The following FAT1 variants were observed in gnomAD, a reference collection of about 807,000 sequenced individuals.
The protein encoded by FAT1 is FAT atypical cadherin 1, also known as protocadherin Fat 1.
In FAT1, 171 loss-of-function variants were observed where a neutral mutation model predicts 329.8. The observed-to-expected ratio is 0.52, with a 90% CI of 0.46 to 0.59. The LOEUF is 0.59. FAT1 is among the 20% of genes least tolerant of loss of function. The probability of loss-of-function intolerance (pLI) is 0.00; values close to 1 mark genes in which losing one functional copy is unlikely to be tolerated. For synonymous variants in FAT1, 2,233 were observed against 2,228.6 expected, an observed-to-expected ratio of 1.00 and a Z score of -0.06; for missense variants, 5,672 against 5,774.4, an observed-to-expected ratio of 0.98 and a Z score of 0.57.
chr4:186,601,234 C>T, intron 21 of FAT1, 35 bp downstream of exon 21: 6 of 1,508,392 alleles, frequency 4.0e-6, no homozygotes, highest in Non-Finnish European at 4.5e-6. Context: ...GTTTGAAAGT[C>T]TTCCACTAAG....
chr4:186,638,185 TAC>T (rs1241862473), intron 4 of FAT1, among the ~76,000 whole-genome samples: 1 of 152,138 alleles, frequency 6.6e-6, no homozygotes, highest in East Asian at 1.9e-4. Context: ...TACTGAAAAA[TAC>T]ACTAATTATG....
chr4:186,647,912 G>A (rs866016000), intron 3 of FAT1, among the ~76,000 whole-genome samples: 1 of 152,134 alleles, frequency 6.6e-6, no homozygotes. Flanking sequence ...GACATTCAGT[G>A]TGCTTAAGAA....
upstream of FAT1, among the ~76,000 whole-genome samples, chr4:186,724,332 C>T (rs1467574960): frequency 1.3e-5 from 2 of 152,050 alleles, no homozygotes; most frequent in Non-Finnish European, 2.9e-5. The surrounding 1 kb of genome is among the most constrained non-coding windows in gnomAD (Gnocchi z 5.3). Context: ...GGGCTGAAGT[C>T]GTCCTTCAGG....
intron 1 of FAT1, among the ~76,000 whole-genome samples, chr4:186,722,018 A>G (rs932119282): frequency 1.3e-5 from 2 of 152,112 alleles, no homozygotes; most frequent in Non-Finnish European, 2.9e-5. Flanking sequence ...TTGTATTTTT[A>G]GTAGAGACGG....
At chr4:186,720,187 G>A (rs538770944) in intron 1 of FAT1, among the ~76,000 whole-genome samples, 1 of 152,238 alleles carries the variant, frequency 6.6e-6, no homozygotes, top group Non-Finnish European at 1.5e-5. Context: ...CTTCCCTTCC[G>A]AAAGATAATG....
At chr4:186,598,148 A>C in intron 22 of FAT1, 23 bp from the exon 23 acceptor site, 1 of 1,584,566 alleles carries the variant, frequency 6.3e-7, no homozygotes, top group Non-Finnish European at 8.6e-7. Flanking sequence ...AAAGGAACAA[A>C]AAAGTCCTAT....
At chr4:186,604,123 G>T (rs1203640938) in intron 18 of FAT1, 146 bp from the exon 19 acceptor site, 2 of 724,346 alleles carry the variant, frequency 2.8e-6, no homozygotes, top group Non-Finnish European at 4.4e-6. Context: ...TCAAAGAAAA[G>T]GACAAATTTC....
chr4:186,617,300 G>T, intron 10 of FAT1, 99 bp from the exon 11 acceptor site: 1 of 863,880 alleles, frequency 1.2e-6, no homozygotes, highest in Non-Finnish European at 1.7e-6. Flanking sequence ...TAATGTTATA[G>T]TTTAAAAGAA....
At chr4:186,604,238 T>C in intron 18 of FAT1, 139 bp downstream of exon 18, 1 of 735,542 alleles carries the variant, frequency 1.4e-6, no homozygotes, top group Non-Finnish European at 2.2e-6. Flanking sequence ...ATGGAAGGTA[T>C]GGCAAAAAAC....
At chr4:186,651,387 C>G (rs150602509) in intron 3 of FAT1, among the ~76,000 whole-genome samples, 13 of 152,110 alleles carry the variant, frequency 8.5e-5, no homozygotes, top group East Asian at 5.8e-4. Flanking sequence ...AATGGGTGGA[C>G]AGAAGGCGCA....
intron 3 of FAT1, among the ~76,000 whole-genome samples, chr4:186,662,007 C>T (rs1325559338): frequency 1.1e-4 from 7 of 63,698 alleles, no homozygotes; most frequent in Admixed American, 6.1e-4. Context: ...AGGAAATCCT[C>T]CCCCCCGCCC....
chr4:186,724,633 C>A (rs1242028060), upstream of FAT1, among the ~76,000 whole-genome samples: 1 of 152,138 alleles, frequency 6.6e-6, no homozygotes, highest in Non-Finnish European at 1.5e-5. This position sits in a 1 kb window ranked among gnomAD's most constrained non-coding sequence, Gnocchi z 5.3. Flanking sequence ...CGCCGAGAAG[C>A]CCGCTCCGAG....
At chr4:186,638,348 G>C (rs1352313474) in intron 4 of FAT1, among the ~76,000 whole-genome samples, 1 of 152,156 alleles carries the variant, frequency 6.6e-6, no homozygotes, top group African/African-American at 2.4e-5. Flanking sequence ...AATTTGAAAG[G>C]ACTGGAGCAA....
rs2126686372 is a variant in FAT1, at chr4:186,707,185, G to A, written c.2643C>T (p.Arg881=). The change falls in exon 2 of 27, where the codon CGC becomes CGT. Residue 881 remains arginine (R), a synonymous_variant. Transcript: ENST00000441802. The stretch of plus-strand genomic sequence containing the variant: ...CATGCTGCAGCTCTCGATCCAGAGG[G>A]CGTGCGATGTTAACAACACCCGTCA... ...DSVTGVVNIA[R]PLDRELQHEH... 1 of 1,613,924 alleles carries A rather than the reference G, an allele frequency of 6.2e-7. No individual in the cohort carries two copies. Among genetic ancestry groups the A allele is most frequent in the Non-Finnish European group, 8.5e-7 (1 of 1,179,888 alleles).
rs1476544185 is a variant in FAT1 at position 186,618,129 on chromosome 4, A to C, written c.8457T>G (p.Val2819=). ...FESSPYEAFI[V]ENLPGGSRVI... is the part of the protein sequence containing the mutation. ...CTCTACTTCCCCCTGGCAGGTTTTC[A>C]ACAATGAATGCCTCATATGGACTAG... The change falls in exon 10 of 27, where the codon GTT becomes GTG. Residue 2819 remains valine (V), a synonymous_variant. Coordinates refer to ENST00000441802, the MANE Select transcript of FAT1 (RefSeq NM_005245.4). The C allele has an allele frequency of 6.2e-7, 1 of 1,614,036 alleles. No individual in the cohort carries two copies. The highest frequency in any genetic ancestry group is 8.5e-7 in the Non-Finnish European group (1 of 1,179,894).
intron 2 of FAT1, among the ~76,000 whole-genome samples, chr4:186,672,780 G>A (rs1355526959): frequency 6.6e-6 from 1 of 152,188 alleles, no homozygotes; most frequent in African/African-American, 2.4e-5. Context: ...AGACAATCGT[G>A]CTAAATGTTT....
At position 186,636,646 on chromosome 4, in the gene FAT1, G is replaced by A. The variant is rs370770859; in HGVS notation, c.3911C>T (p.Pro1304Leu). ...CTTGGACGAAACCACTCCAGTTTTC[G>A]GTTCGATGAAAAATTTGCCATGCTC... is the stretch of plus-strand genomic sequence containing the variant. ...GNEHGKFFIE[P>L]KTGVVSSKRF... is the part of the protein sequence containing the mutation. Residue 1304 changes from proline to leucine, a missense_variant, in exon 5 of 27, where the codon CCG becomes CTG. By Grantham distance (98) the Pro-to-Leu change is moderately conservative. Coordinates refer to ENST00000441802, the MANE Select transcript of FAT1 (RefSeq NM_005245.4). 45 of 1,613,712 alleles carry A rather than the reference G, an allele frequency of 2.8e-5. No individual in the cohort carries two copies. The highest frequency in any genetic ancestry group is 1.3e-4 in the African/African-American group (10 of 74,864).
Position 186,618,341 on chromosome 4 carries a change from C to T in FAT1, c.8245G>A (p.Glu2749Lys), listed in dbSNP as rs1739828039. 6.2e-7 allele frequency: 1 copy of T among 1,614,042 alleles called. No homozygotes were observed. Among genetic ancestry groups the T allele is most frequent in the Non-Finnish European group, 8.5e-7 (1 of 1,179,900 alleles). Residue 2749 changes from glutamate to lysine, a missense_variant, in exon 10 of 27, where the codon GAG becomes AAG. By Grantham distance (56) the Glu-to-Lys change is moderately conservative (BLOSUM62 1). Around this residue, in one of 2 missense-constraint regions of FAT1, gnomAD observed 3,966 missense variants for 3,915.2 expected, o/e 1.01. Coordinates refer to ENST00000441802, the MANE Select transcript of FAT1 (RefSeq NM_005245.4). Reference protein sequence around the residue: ...KGNTPESNRDESFVIDRQSGR... With the variant: ...KGNTPESNRDKSFVIDRQSGR... The stretch of plus-strand genomic sequence containing the variant: ...CTCTGTCTGTCAATCACAAAGGACT[C>T]ATCCCTATTGCTTTCTGGAGTATTC...
At chr4:186,646,309 T>C (rs922811164) in intron 3 of FAT1, among the ~76,000 whole-genome samples, 1 of 152,192 alleles carries the variant, frequency 6.6e-6, no homozygotes, top group Admixed American at 6.5e-5. Context: ...TCTGATTATT[T>C]TCCTCTACCC....
Sources: gnomAD v4.1 joint callset for allele counts (sites outside exome capture counted in the v4.1 genomes callset) on GRCh38, gnomAD v4.1.1 for gene constraint, gnomAD v4.1.1 regional missense constraint, Gnocchi (gnomAD v3.1) non-coding constraint, MANE v1.5 for transcripts, NCBI Gene and HGNC (gene_info 2026-07-23, HGNC 2026-07-21) for gene names.